The following GLIS3 variants were observed in gnomAD, a reference collection of about 807,000 sequenced individuals.
GLIS3 encodes GLIS family zinc finger 3.
Under a neutral mutation model 78.6 loss-of-function variants are expected in GLIS3, and 53 were observed. That is an observed-to-expected ratio of 0.67 (90% CI 0.54 to 0.85). GLIS3 has a LOEUF of 0.85. Among genes scored for constraint, GLIS3 ranks in the 40% least tolerant of loss-of-function variants. The probability of loss-of-function intolerance (pLI) is 0.00; values close to 1 mark genes in which losing one functional copy is unlikely to be tolerated. For missense variants in GLIS3, 1,703 were observed against 1,231.1 expected, an observed-to-expected ratio of 1.38 and a Z score of -5.74; for synonymous variants, 684 against 509.9, an observed-to-expected ratio of 1.34 and a Z score of -4.60.
At chr9:4,156,628 A>G (rs989186514) in intron 2 of GLIS3, among the ~76,000 whole-genome samples, 5 of 152,238 alleles carry the variant, frequency 3.3e-5, no homozygotes, top group Admixed American at 2.6e-4. Flanking sequence ...AAGATAAAAT[A>G]TCTTCTTCAG....
At chr9:4,063,775 G>C (rs1826850210) in intron 4 of GLIS3, among the ~76,000 whole-genome samples, 1 of 152,080 alleles carries the variant, frequency 6.6e-6, no homozygotes, top group Non-Finnish European at 1.5e-5. Context: ...TCAGTAGGTT[G>C]GTCAGACACA....
intron 6 of GLIS3, among the ~76,000 whole-genome samples, chr9:3,924,068 A>G (rs1160806745): frequency 1.3e-5 from 2 of 152,200 alleles, no homozygotes; most frequent in Non-Finnish European, 2.9e-5. Flanking sequence ...CCTGAATATA[A>G]TTAGATTTCA....
At chr9:4,397,662 AAGGAAGGGAGGGAGGAAGGGAGGGAGGG>A in the GLIS3 span, among the ~76,000 whole-genome samples, 1 of 105,108 alleles carries the variant, frequency 9.5e-6, no homozygotes, top group African/African-American at 3.9e-5. Context: ...AAAAGGAAGG[AAGGAAGGGAGGGAGGAAGGGAGGGAGGG>A]AGGGAGGGAG....
chr9:4,190,229 A>G (rs1418671597), intron 2 of GLIS3, among the ~76,000 whole-genome samples: 1 of 152,088 alleles, frequency 6.6e-6, no homozygotes, highest in African/African-American at 2.4e-5. Flanking sequence ...CAATCAAACT[A>G]CTCCGAGCTA....
At chr9:4,197,195 A>G (rs1199025016) in intron 2 of GLIS3, among the ~76,000 whole-genome samples, 1 of 151,782 alleles carries the variant, frequency 6.6e-6, no homozygotes. Context: ...AGGCCTTTGG[A>G]GCACTCCCTC....
At chr9:4,053,781 GC>G (rs1825919903) in intron 4 of GLIS3, among the ~76,000 whole-genome samples, 1 of 148,654 alleles carries the variant, frequency 6.7e-6, no homozygotes, top group South Asian at 2.1e-4. Context: ...GGCCCCAGAG[GC>G]CACCCAATTA....
At chr9:3,959,909 T>A (rs1280260785) in intron 4 of GLIS3, among the ~76,000 whole-genome samples, 1 of 152,174 alleles carries the variant, frequency 6.6e-6, no homozygotes, top group East Asian at 1.9e-4. Flanking sequence ...CCCAGCACTT[T>A]GGGAGGCCGA....
chr9:4,385,228 G>A, the GLIS3 span, among the ~76,000 whole-genome samples: 2 of 152,128 alleles, frequency 1.3e-5, no homozygotes, highest in Non-Finnish European at 2.9e-5. Context: ...GTTTCTTCGT[G>A]GATTCCCTCT....
intron 1 of GLIS3, among the ~76,000 whole-genome samples, chr9:4,347,336 C>T (rs552302907): frequency 1.3e-5 from 2 of 152,228 alleles, no homozygotes; most frequent in East Asian, 3.9e-4. Context: ...GCCCTCATGA[C>T]CTAAACACCT....
intron 6 of GLIS3, among the ~76,000 whole-genome samples, chr9:3,922,286 G>A (rs1224544453): frequency 6.6e-6 from 1 of 151,590 alleles, no homozygotes; most frequent in Non-Finnish European, 1.5e-5. Flanking sequence ...CAAAACAGAG[G>A]GACCCATAAT....
At chr9:4,200,323 A>C (rs1037080261) in intron 2 of GLIS3, among the ~76,000 whole-genome samples, 2 of 152,162 alleles carry the variant, frequency 1.3e-5, no homozygotes, top group African/African-American at 4.8e-5. Context: ...ACTGAAAAAA[A>C]AAATTGAGAC....
chr9:4,383,408 ATG>A, the GLIS3 span, among the ~76,000 whole-genome samples: 2 of 152,196 alleles, frequency 1.3e-5, no homozygotes, highest in African/African-American at 4.8e-5. Context: ...TTCTTGATTC[ATG>A]GATAAGCAAA....
intron 2 of GLIS3, among the ~76,000 whole-genome samples, chr9:4,206,898 A>AG (rs1208236685): frequency 6.6e-6 from 1 of 152,152 alleles, no homozygotes; most frequent in Non-Finnish European, 1.5e-5. Context: ...GCTGGGAGGA[A>AG]GGGGGGAGGA....
intron 2 of GLIS3, among the ~76,000 whole-genome samples, chr9:4,181,884 C>G (rs1817357772): frequency 6.6e-6 from 1 of 152,156 alleles, no homozygotes; most frequent in African/African-American, 2.4e-5. Context: ...TGAAGCTATC[C>G]TATGCCATCC....
Position 4,344,550 on chromosome 9 carries a change from G to A in GLIS3, n.264+2531C>T, listed in dbSNP as rs186877087. Among the ~76,000 whole-genome samples the A allele has an allele frequency of 9.9e-5, 15 of 152,152 alleles. No homozygotes were observed. In the East Asian group the frequency reaches 1.9e-3, roughly 20 times the overall value. On this transcript the variant is annotated intron_variant and non_coding_transcript_variant, in intron 2 of 4. Coordinates refer to the GLIS3 transcript ENST00000471664. ...GCCTGTTTTCTTCTCTTTCACACTC[G>A]CTCACTCCCTGGGTGTTCTCATCCA...
At chr9:3,961,016 G>T (rs1191175497) in intron 4 of GLIS3, among the ~76,000 whole-genome samples, 3 of 152,132 alleles carry the variant, frequency 2.0e-5, no homozygotes, top group African/African-American at 7.2e-5. Context: ...TCCCCATTTG[G>T]CTGAGCTCAC....
At chr9:3,898,381 T>A (rs907400309) in intron 7 of GLIS3, 1 of 398,478 alleles carries the variant, frequency 2.5e-6, no homozygotes, top group African/African-American at 2.1e-5. Context: ...GGAGGAAACA[T>A]TTCCTTCGAG....
At chr9:4,021,909 C>T (rs1822919537) in intron 4 of GLIS3, among the ~76,000 whole-genome samples, 1 of 152,130 alleles carries the variant, frequency 6.6e-6, no homozygotes, top group South Asian at 2.1e-4. Context: ...TATTTGGGTA[C>T]CCTCCTTAGC....
chr9:4,295,225 G>A (rs888753935), intron 1 of GLIS3, among the ~76,000 whole-genome samples: 17 of 152,116 alleles, frequency 1.1e-4, no homozygotes, highest in African/African-American at 3.9e-4. Context: ...ACGAAAGGAC[G>A]GTGAAATACA....
Sources: gnomAD v4.1 joint callset for allele counts (sites outside exome capture counted in the v4.1 genomes callset) on GRCh38, gnomAD v4.1.1 for gene constraint, MANE v1.5 for transcripts, NCBI Gene and HGNC (gene_info 2026-07-23, HGNC 2026-07-21) for gene names.